The following ITPR2 variants were observed in gnomAD, a reference collection of about 807,000 sequenced individuals.
ITPR2 encodes the protein inositol 1,4,5-trisphosphate receptor type 2, also known as inositol 1,4,5-trisphosphate-gated calcium channel ITPR2.
ITPR2 carries 207 observed loss-of-function variants against 317.1 expected under a neutral mutation model. The observed-to-expected ratio is 0.65, with a 90% CI of 0.58 to 0.73. The LOEUF is 0.73. Among genes scored for constraint, ITPR2 ranks in the 30% least tolerant of loss-of-function variants. The pLI is 0.00. For missense variants in ITPR2, 2,613 were observed against 3,284.0 expected, an observed-to-expected ratio of 0.80 and a Z score of 4.99; for synonymous variants, 1,156 against 1,149.1, an observed-to-expected ratio of 1.01 and a Z score of -0.12.
In ITPR2 at chr12:26,494,313, T is replaced by G; in HGVS notation, c.5210A>C (p.Lys1737Thr). 6.2e-7 allele frequency: 1 copy of G among 1,609,516 alleles called. No individual in the cohort carries two copies. Among genetic ancestry groups the G allele is most frequent in the Non-Finnish European group, 8.5e-7 (1 of 1,178,566 alleles). The change falls in exon 39 of 57, where the codon AAG becomes ACG. Residue 1737 changes from lysine (K) to threonine (T), a missense_variant. Lys to Thr is a moderately conservative substitution (Grantham distance 78, BLOSUM62 -1). This residue lies in a region of ITPR2 where 926 missense variants were observed against 1,072.8 expected (regional missense o/e 0.86). Transcript: ENST00000381340. ...AATGTCTGACATTGATATCCCCATC[T>G]TATCTGAATCTTGTCCAGAAAAGCT... is the stretch of plus-strand genomic sequence containing the variant. ...GGSFSGQDSD[K>T]MGISMSDIQC...
chr12:26,641,245 A>C (rs1439909902), intron 21 of ITPR2, among the ~76,000 whole-genome samples: 1 of 152,150 alleles, frequency 6.6e-6, no homozygotes, highest in African/African-American at 2.4e-5. Flanking sequence ...TTTAAAAAAA[A>C]AAAAAATCTC....
chr12:26,767,893 G>T (rs1223688093), intron 2 of ITPR2, among the ~76,000 whole-genome samples: 1 of 152,116 alleles, frequency 6.6e-6, no homozygotes, highest in Admixed American at 6.5e-5. Flanking sequence ...TTCGATCATT[G>T]ACAAACATCC....
chr12:26,517,451 T>C (rs1199786766), intron 37 of ITPR2, among the ~76,000 whole-genome samples: 2 of 152,154 alleles, frequency 1.3e-5, no homozygotes, highest in Non-Finnish European at 2.9e-5. Flanking sequence ...GAAAAAATGC[T>C]CAATATTACT....
At chr12:26,700,602 T>G (rs1948427146) in intron 9 of ITPR2, among the ~76,000 whole-genome samples, 1 of 152,142 alleles carries the variant, frequency 6.6e-6, no homozygotes, top group South Asian at 2.1e-4. Flanking sequence ...AGCACGCTGC[T>G]TCCCTCCTGC....
intron 52 of ITPR2, among the ~76,000 whole-genome samples, chr12:26,404,156 G>C (rs1940271499): frequency 6.6e-6 from 1 of 152,170 alleles, no homozygotes; most frequent in African/African-American, 2.4e-5. Flanking sequence ...CCAGGGTAAT[G>C]GGAGAGAAGA....
intron 37 of ITPR2, among the ~76,000 whole-genome samples, chr12:26,526,921 G>A (rs1168947649): frequency 6.6e-6 from 1 of 152,212 alleles, no homozygotes. Flanking sequence ...TTAATAAGAG[G>A]AATGCAGATG....
At chr12:26,794,189 T>C (rs1042344999) in intron 1 of ITPR2, among the ~76,000 whole-genome samples, 1 of 152,208 alleles carries the variant, frequency 6.6e-6, no homozygotes, top group African/African-American at 2.4e-5. Flanking sequence ...TTTGATTTTA[T>C]ACATAAGTAT....
chr12:26,365,277 C>A (rs1315626349), intron 55 of ITPR2, among the ~76,000 whole-genome samples: 2 of 152,132 alleles, frequency 1.3e-5, no homozygotes, highest in Admixed American at 6.6e-5. Flanking sequence ...TTCCTGAAAC[C>A]TGGGTACCTA....
chr12:26,781,994 A>T (rs1304125684), intron 2 of ITPR2, among the ~76,000 whole-genome samples: 1 of 7,758 alleles, frequency 1.3e-4, no homozygotes. Flanking sequence ...ACTCCCCTGT[A>T]TATATATATA....
At chr12:26,599,065 G>A (rs780463603) in intron 30 of ITPR2, 80 bp downstream of exon 30, 24 of 1,226,650 alleles carry the variant, frequency 2.0e-5, no homozygotes, top group Non-Finnish European at 2.9e-5. Flanking sequence ...TGTTGTTGGG[G>A]GCTTTTTCAC....
chr12:26,670,430 A>G (rs573692171), intron 13 of ITPR2, among the ~76,000 whole-genome samples: 1 of 152,248 alleles, frequency 6.6e-6, no homozygotes, highest in Non-Finnish European at 1.5e-5. Flanking sequence ...GCTGATACCC[A>G]GGCAAACAGG....
chr12:26,677,107 GA>G (rs1265309236), intron 13 of ITPR2, among the ~76,000 whole-genome samples: 1 of 152,218 alleles, frequency 6.6e-6, no homozygotes, highest in Middle Eastern at 3.4e-3. Flanking sequence ...GCTAATGAAT[GA>G]AAATATGACC....
intron 45 of ITPR2, among the ~76,000 whole-genome samples, chr12:26,466,639 C>A (rs1423265395): frequency 2.0e-5 from 3 of 152,176 alleles, no homozygotes; most frequent in African/African-American, 7.2e-5. Context: ...CAACTACTTT[C>A]TGGAGTTCAT....
At chr12:26,683,651 C>T (rs547498330) in intron 11 of ITPR2, among the ~76,000 whole-genome samples, 27 of 152,260 alleles carry the variant, frequency 1.8e-4, no homozygotes, top group Non-Finnish European at 3.1e-4. Flanking sequence ...ACCAGAAGCT[C>T]ACAGGAACCT....
At chr12:26,681,513 A>G (rs1302713709) in intron 13 of ITPR2, among the ~76,000 whole-genome samples, 2 of 152,192 alleles carry the variant, frequency 1.3e-5, no homozygotes, top group African/African-American at 4.8e-5. Flanking sequence ...AAATAAGATC[A>G]GAGAAACACA....
intron 45 of ITPR2, among the ~76,000 whole-genome samples, chr12:26,465,985 T>G (rs1942161943): frequency 6.6e-6 from 1 of 152,238 alleles, no homozygotes; most frequent in Admixed American, 6.5e-5. Context: ...CCTGGGCAAG[T>G]AGGATAAGTC....
chr12:26,781,130 G>A (rs113359823), intron 2 of ITPR2, among the ~76,000 whole-genome samples: 1,732 of 152,236 alleles, frequency 0.011, 29 homozygotes, highest in African/African-American at 0.039. Context: ...GCCCAATCCC[G>A]GCAGGACTAC....
chr12:26,505,631 T>A (rs1311444871), intron 37 of ITPR2, among the ~76,000 whole-genome samples: 1 of 152,188 alleles, frequency 6.6e-6, no homozygotes, highest in Non-Finnish European at 1.5e-5. Context: ...ATACCAATCT[T>A]TCAATGATTT....
At chr12:26,783,266 G>A (rs1950127855) in intron 2 of ITPR2, among the ~76,000 whole-genome samples, 1 of 152,164 alleles carries the variant, frequency 6.6e-6, no homozygotes, top group Non-Finnish European at 1.5e-5. Flanking sequence ...CCCCATGGTA[G>A]GCATGGTACA....
Sources: gnomAD v4.1 joint callset for allele counts (sites outside exome capture counted in the v4.1 genomes callset) on GRCh38, gnomAD v4.1.1 for gene constraint, gnomAD v4.1.1 regional missense constraint, MANE v1.5 for transcripts, NCBI Gene and HGNC (gene_info 2026-07-23, HGNC 2026-07-21) for gene names.